The following ATG5 variants were observed in gnomAD, a reference collection of about 807,000 sequenced individuals.
ATG5 encodes autophagy related 5, also known as autophagy protein 5.
In ATG5, 14 loss-of-function variants were observed where a neutral mutation model predicts 36.5. That is an observed-to-expected ratio of 0.38 (90% CI 0.25 to 0.60). The LOEUF (loss-of-function observed/expected upper bound fraction) is 0.60. ATG5 is among the 20% of genes least tolerant of loss of function. The probability of loss-of-function intolerance (pLI) is 0.60; values close to 1 mark genes in which losing one functional copy is unlikely to be tolerated. For synonymous variants in ATG5, 95 were observed against 101.5 expected (o/e 0.94, Z 0.38); for missense variants, 195 against 326.7 (o/e 0.60, Z 3.11).
chr6:106,222,752 A>G (rs1777300074), intron 6 of ATG5, among the ~76,000 whole-genome samples: 1 of 152,224 alleles, frequency 6.6e-6, no homozygotes, highest in Non-Finnish European at 1.5e-5. Flanking sequence ...ATTACTAGGT[A>G]GGTAACCCTG....
At chr6:106,217,200 GT>G (rs899512296) in intron 6 of ATG5, among the ~76,000 whole-genome samples, 2 of 151,952 alleles carry the variant, frequency 1.3e-5, no homozygotes, top group African/African-American at 4.8e-5. Context: ...AAAATTACAA[GT>G]TTTTTTCTTA....
intron 5 of ATG5, among the ~76,000 whole-genome samples, chr6:106,270,233 C>T (rs1779401313): frequency 6.6e-6 from 1 of 152,018 alleles, no homozygotes; most frequent in African/African-American, 2.4e-5. Context: ...AGAAAGAACA[C>T]CAAGAGACTG....
At chr6:106,196,752 TAC>T (rs1776210104) in intron 7 of ATG5, among the ~76,000 whole-genome samples, 1 of 150,874 alleles carries the variant, frequency 6.6e-6, no homozygotes, top group African/African-American at 2.4e-5. Context: ...TTGAAAGTTC[TAC>T]AGTTATACAA....
At chr6:106,196,375 C>A (rs946745874) in intron 7 of ATG5, among the ~76,000 whole-genome samples, 1 of 152,034 alleles carries the variant, frequency 6.6e-6, no homozygotes, top group Non-Finnish European at 1.5e-5. Flanking sequence ...AGTGGAAAAA[C>A]CAAAAGACCA....
At chr6:106,222,520 TA>T (rs1777288915) in intron 6 of ATG5, among the ~76,000 whole-genome samples, 2 of 152,216 alleles carry the variant, frequency 1.3e-5, no homozygotes, top group South Asian at 4.1e-4. Flanking sequence ...CTTTCTTTAT[TA>T]GAAGAAAATG....
At chr6:106,229,033 C>T (rs1470318752) in intron 6 of ATG5, among the ~76,000 whole-genome samples, 1 of 152,260 alleles carries the variant, frequency 6.6e-6, no homozygotes, top group Admixed American at 6.5e-5. Flanking sequence ...TGCGCTCCTA[C>T]CTTCCCTTCT....
chr6:106,288,095 C>T (rs1181601345), intron 4 of ATG5, among the ~76,000 whole-genome samples: 5 of 151,740 alleles, frequency 3.3e-5, no homozygotes, highest in African/African-American at 7.3e-5. Flanking sequence ...CTCAGCCTCC[C>T]GAGAAGCTGA....
chr6:106,294,174 AAAG>A (rs766821313), intron 3 of ATG5, among the ~76,000 whole-genome samples: 12 of 152,160 alleles, frequency 7.9e-5, no homozygotes, highest in Admixed American at 2.6e-4. Context: ...ACAAGGGCAA[AAAG>A]AAGACTACTT....
chr6:106,262,554 T>C (rs893107045), intron 5 of ATG5, among the ~76,000 whole-genome samples: 2 of 152,018 alleles, frequency 1.3e-5, no homozygotes, highest in Admixed American at 1.3e-4. Context: ...TTTTCCATTC[T>C]CGAGTTGATA....
At chr6:106,239,470 G>C (rs566848698) in intron 6 of ATG5, among the ~76,000 whole-genome samples, 1 of 152,198 alleles carries the variant, frequency 6.6e-6, no homozygotes, top group South Asian at 2.1e-4. Flanking sequence ...ATGGGGAACT[G>C]AATAAGTGAT....
intron 5 of ATG5, among the ~76,000 whole-genome samples, chr6:106,266,388 G>A (rs138855300): frequency 0.024 from 3,707 of 152,182 alleles, 64 homozygotes; most frequent in African/African-American, 0.049. Context: ...AGGACCAGAC[G>A]GATTCACAGC....
intron 6 of ATG5, among the ~76,000 whole-genome samples, chr6:106,211,887 G>T (rs1776865423): frequency 6.6e-6 from 1 of 152,172 alleles, no homozygotes; most frequent in Non-Finnish European, 1.5e-5. Context: ...CAGCTACTTT[G>T]TGTGTGTGCT....
In ATG5 at chr6:106,218,711, G is replaced by A. The variant is rs182900201; in HGVS notation, c.574-16622C>T. On this transcript the variant is annotated intron_variant, in intron 6 of 7. Transcript: ENST00000369076. ...TGAATGCTGCAATACATAAGCAGAC[G>A]TCAGAATTGTCCCAAGCTGATTCTA... Among the ~76,000 whole-genome samples the A allele has an allele frequency of 6.6e-5, 10 of 152,196 alleles. No homozygotes were observed. The East Asian group carries it at 7.7e-4, about 12-fold the overall frequency.
intron 1 of ATG5, among the ~76,000 whole-genome samples, chr6:106,321,677 T>C (rs140729033): frequency 6.6e-6 from 1 of 152,168 alleles, no homozygotes; most frequent in African/African-American, 2.4e-5. Context: ...TCCTCTTAAG[T>C]GTCGGCTTAA....
At chr6:106,207,545 A>G (rs965048680) in intron 6 of ATG5, among the ~76,000 whole-genome samples, 10 of 152,038 alleles carry the variant, frequency 6.6e-5, no homozygotes, top group Non-Finnish European at 1.5e-4. Context: ...TTAAAAAAAA[A>G]AGAAAGAAAG....
At chr6:106,315,127 A>G (rs1770790800) in intron 2 of ATG5, among the ~76,000 whole-genome samples, 1 of 152,222 alleles carries the variant, frequency 6.6e-6, no homozygotes, top group South Asian at 2.1e-4. Flanking sequence ...GGGCTCCTTA[A>G]TAAGTAGCTT....
chr6:106,288,718 T>G (rs564014810), intron 4 of ATG5, among the ~76,000 whole-genome samples: 1 of 152,324 alleles, frequency 6.6e-6, no homozygotes, highest in Admixed American at 6.5e-5. Flanking sequence ...TGCTGCAGAA[T>G]CAGAAACTGC....
chr6:106,296,425 A>C (rs566827151), intron 3 of ATG5, among the ~76,000 whole-genome samples: 1 of 152,360 alleles, frequency 6.6e-6, no homozygotes, highest in South Asian at 2.1e-4. Flanking sequence ...GAATTTGAAA[A>C]AATAACATGA....
intron 2 of ATG5, among the ~76,000 whole-genome samples, chr6:106,310,148 G>C (rs957529852): frequency 6.6e-6 from 1 of 152,070 alleles, no homozygotes; most frequent in African/African-American, 2.4e-5. Flanking sequence ...CATTTCCACT[G>C]CCCAAAATAG....
Sources: allele counts gnomAD v4.1 joint callset (sites outside exome capture counted in the v4.1 genomes callset), GRCh38; gene constraint gnomAD v4.1.1; transcripts MANE v1.5; gene names NCBI Gene and HGNC (gene_info 2026-07-23, HGNC 2026-07-21).